Variants in PCDH10 observed in about 807,000 individuals in gnomAD.
The protein encoded by PCDH10 is protocadherin 10.
PCDH10 carries 15 observed loss-of-function variants against 74.4 expected under a neutral mutation model. The observed-to-expected ratio is 0.20, with a 90% CI of 0.13 to 0.31. The LOEUF is 0.31. Among genes scored for constraint, PCDH10 ranks in the 10% least tolerant of loss-of-function variants. The pLI, the probability that PCDH10 is intolerant of heterozygous loss-of-function variation, is 1.00. For synonymous variants in PCDH10, 619 were observed against 589.8 expected, an observed-to-expected ratio of 1.05 and a Z score of -0.72; for missense variants, 1,260 against 1,390.2, an observed-to-expected ratio of 0.91 and a Z score of 1.49.
rs888367522 is a variant in PCDH10 at position 133,193,784 on chromosome 4, T to C, written c.*3624T>C. 5 of 151,740 alleles carry C rather than the reference T, an allele frequency of 3.3e-5. No individual in the cohort carries two copies. The highest frequency in any genetic ancestry group is 7.4e-5 in the Non-Finnish European group (5 of 67,722). The allele number at this position is 151,740 out of a possible 1,614,324, so 9.4% of individuals were successfully genotyped here. A position where few individuals can be genotyped will look rare whatever the true frequency, so the allele number is the denominator to read the frequency against. On this transcript the variant is annotated 3_prime_UTR_variant, in exon 5 of 5. Coordinates refer to ENST00000264360, the MANE Select transcript of PCDH10 (RefSeq NM_032961.3). The stretch of plus-strand genomic sequence containing the variant: ...ATACTTGATGATTTTTCTGAAAATC[T>C]TATATTTTTCATATTACAAATTCTT...
At position 133,152,173 on chromosome 4, in the gene PCDH10, T is replaced by A; in HGVS notation, c.2033T>A (p.Leu678Gln). Residue 678 changes from leucine (L) to glutamine (Q), a missense_variant, in exon 1 of 5, where the codon CTG becomes CAG. Coordinates refer to ENST00000264360, the MANE Select transcript of PCDH10 (RefSeq NM_032961.3). ...LSSTATLVVQ[L>Q]VDGAVEPQGG... ...TCCACCGCCACCCTGGTGGTTCAGC[T>A]GGTGGATGGCGCCGTGGAGCCCCAG... 6.4e-7 allele frequency: 1 copy of A among 1,569,788 alleles called. No individual in the cohort carries two copies. The highest frequency in any genetic ancestry group is 2.2e-5 in the East Asian group (1 of 44,492).
At chr4:133,175,191 T>C (rs1328112848) in intron 4 of PCDH10, among the ~76,000 whole-genome samples, 1 of 152,108 alleles carries the variant, frequency 6.6e-6, no homozygotes, top group African/African-American at 2.4e-5. Flanking sequence ...TCTTTTAAGT[T>C]TCTTCTCATT....
intron 4 of PCDH10, among the ~76,000 whole-genome samples, chr4:133,183,836 A>G (rs1372774074): frequency 6.6e-6 from 1 of 152,144 alleles, no homozygotes; most frequent in Non-Finnish European, 1.5e-5. Flanking sequence ...GGGTTGCTAG[A>G]ACGAGAATGT....
chr4:133,152,228 A>G lies in PCDH10; in HGVS notation c.2088A>G (p.Ser696=), dbSNP rs760029583. 1 of 1,604,894 alleles carries G rather than the reference A, an allele frequency of 6.2e-7. No individual in the cohort carries two copies. The highest frequency in any genetic ancestry group is 2.2e-5 in the East Asian group (1 of 44,794). Residue 696 remains serine (S), a synonymous_variant, in exon 1 of 5, where the codon TCA becomes TCG. Transcript: ENST00000264360. The stretch of plus-strand genomic sequence containing the variant: ...GGGGCGGGAGCGGAGGCGGAGGGTC[A>G]GGAGAGCACCAGCGCCCCAGTCGCT... ...QGGGGSGGGG[S]GEHQRPSRSG... is the part of the protein sequence containing the mutation.
At chr4:133,182,606 C>T (rs774866616) in intron 4 of PCDH10, among the ~76,000 whole-genome samples, 3 of 151,902 alleles carry the variant, frequency 2.0e-5, no homozygotes, top group Non-Finnish European at 4.4e-5. Flanking sequence ...TGAAGGATTC[C>T]AGAAAAATTT....
chr4:133,204,173 G>T (rs1340878870), intron 2 of PCDH10, among the ~76,000 whole-genome samples: 2 of 152,180 alleles, frequency 1.3e-5, no homozygotes, highest in African/African-American at 4.8e-5. Context: ...ACAGGAAATG[G>T]GCAAGGTGGC....
At chr4:133,165,375 T>A (rs1727057450) in intron 4 of PCDH10, among the ~76,000 whole-genome samples, 1 of 150,796 alleles carries the variant, frequency 6.6e-6, no homozygotes, top group East Asian at 2.0e-4. Flanking sequence ...AATTACACCA[T>A]GACTCTGACT....
intron 3 of PCDH10, among the ~76,000 whole-genome samples, chr4:133,161,154 C>T (rs1003824162): frequency 2.0e-4 from 30 of 152,266 alleles, no homozygotes; most frequent in African/African-American, 7.2e-4. Flanking sequence ...CCAGCTTCAG[C>T]TGACGTTTCC....
In PCDH10 at chr4:133,151,060, C is replaced by G; in HGVS notation, c.920C>G (p.Thr307Ser). 1 of 1,614,086 alleles carries G rather than the reference C, an allele frequency of 6.2e-7. No individual in the cohort carries two copies. The change falls in exon 1 of 5, where the codon ACT becomes AGT. Residue 307 changes from threonine to serine, a missense_variant. Thr to Ser is a moderately conservative substitution (Grantham distance 58). This residue lies in a region of PCDH10 where 192 missense variants were observed against 161.2 expected (regional missense o/e 1.19). Coordinates refer to ENST00000264360, the MANE Select transcript of PCDH10 (RefSeq NM_032961.3). ...GAGCTTTTCGGACTCTCGCCGCGCA[C>G]TGGCAGACTGGAGGTAAGCGGCGAG... ...ARELFGLSPR[T>S]GRLEVSGELD...
In PCDH10 at chr4:133,192,468, A is replaced by G. The variant is rs2125874706; in HGVS notation, c.*2308A>G. The G allele has an allele frequency of 6.6e-6, 1 of 151,760 alleles. No homozygotes were observed. The highest frequency in any genetic ancestry group is 1.9e-4 in the East Asian group (1 of 5,174). 9.4% of individuals were successfully genotyped at this position (151,760 alleles called of 1,614,324 possible). On this transcript the variant is annotated 3_prime_UTR_variant, in exon 5 of 5. Transcript: ENST00000264360. ...ATAAGATTATACTCACTTCATGTAT[A>G]GTAATTATATTGTCATTTACCTCAA... is the stretch of plus-strand genomic sequence containing the variant.
chr4:133,165,540 A>G (rs1727061230), intron 4 of PCDH10, among the ~76,000 whole-genome samples: 1 of 151,774 alleles, frequency 6.6e-6, no homozygotes, highest in South Asian at 2.1e-4. Context: ...TTCTAAGTCT[A>G]AAGTAAGTCC....
At chr4:133,202,950 T>G (rs1159490631) in intron 2 of PCDH10, among the ~76,000 whole-genome samples, 1 of 152,144 alleles carries the variant, frequency 6.6e-6, no homozygotes, top group African/African-American at 2.4e-5. Flanking sequence ...CCACTTGGTC[T>G]TTCAGGGAGA....
Position 133,150,360 on chromosome 4 carries a change from T to C in PCDH10, c.220T>C (p.Tyr74His). 6.2e-7 allele frequency: 1 copy of C among 1,613,904 alleles called. No homozygotes were observed. The highest frequency in any genetic ancestry group is 2.2e-5 in the East Asian group (1 of 44,836). Residue 74 changes from tyrosine to histidine, a missense_variant, in exon 1 of 5, where the codon TAC becomes CAC. By Grantham distance (83) the Tyr-to-His change is moderately conservative (BLOSUM62 2). Transcript: ENST00000264360. ...LDLNLETGVL[Y>H]VNEKIDREQI... ...CCTCAACCTGGAGACAGGGGTGCTG[T>C]ACGTGAACGAGAAAATAGACCGCGA...
chr4:133,185,190 A>G (rs1292894613), intron 4 of PCDH10, among the ~76,000 whole-genome samples: 1 of 148,478 alleles, frequency 6.7e-6, no homozygotes, highest in African/African-American at 2.4e-5. Context: ...ATATATAAAT[A>G]TATATATTTA....
At chr4:133,208,404 A>C (rs1315266693) in exon 3 of PCDH10, 2 of 152,210 alleles carry the variant, frequency 1.3e-5, no homozygotes, top group Admixed American at 1.3e-4. Flanking sequence ...CAGTAATATG[A>C]AGTATTGATT....
chr4:133,170,859 A>AT (rs1727188502), intron 4 of PCDH10, among the ~76,000 whole-genome samples: 1 of 145,966 alleles, frequency 6.9e-6, no homozygotes, highest in African/African-American at 2.7e-5. Context: ...CACCCAGCTA[A>AT]TTTTTTGTAT....
intron 4 of PCDH10, among the ~76,000 whole-genome samples, chr4:133,186,719 G>A (rs943851459): frequency 1.1e-4 from 17 of 152,020 alleles, no homozygotes; most frequent in African/African-American, 3.9e-4. Flanking sequence ...AAGAATAATA[G>A]GTTTTGTTTG....
intron 4 of PCDH10, among the ~76,000 whole-genome samples, chr4:133,165,999 G>GTATTT (rs1727073067): frequency 6.6e-6 from 1 of 151,646 alleles, no homozygotes; most frequent in East Asian, 1.9e-4. Context: ...CCCATGAAGA[G>GTATTT]TATACATGAT....
At chr4:133,172,787 C>T (rs993048284) in intron 4 of PCDH10, among the ~76,000 whole-genome samples, 6 of 151,844 alleles carry the variant, frequency 4.0e-5, no homozygotes, top group Non-Finnish European at 7.4e-5. Context: ...TAATAAATAC[C>T]AGTGTGTGAG....
Sources: allele counts gnomAD v4.1 joint callset (sites outside exome capture counted in the v4.1 genomes callset), GRCh38; gene constraint gnomAD v4.1.1; regional missense constraint gnomAD v4.1.1; transcripts MANE v1.5; gene names NCBI Gene and HGNC (gene_info 2026-07-23, HGNC 2026-07-21).